The following ZEB1 variants were observed in gnomAD, a reference collection of about 807,000 sequenced individuals.
The protein encoded by ZEB1 is zinc finger E-box-binding homeobox 1.
In ZEB1, 21 loss-of-function variants were observed where a neutral mutation model predicts 84.9. The observed-to-expected ratio is 0.25, with a 90% CI of 0.18 to 0.36. The LOEUF (loss-of-function observed/expected upper bound fraction) is 0.36. Ranked by LOEUF, ZEB1 falls within the 10% of genes least tolerant of loss-of-function variation. The pLI is 1.00. For missense variants in ZEB1, 1,104 were observed against 1,330.2 expected (o/e 0.83, Z 2.65); for synonymous variants, 420 against 471.1 (o/e 0.89, Z 1.41).
chr10:31,362,813 C>T (rs2043553900), intron 1 of ZEB1: 1 of 841,724 alleles, frequency 1.2e-6, no homozygotes, highest in South Asian at 1.4e-5. Context: ...AGGCATGAGC[C>T]ACCACGCCTG....
At chr10:31,507,538 T>A (rs1217214166) in intron 4 of ZEB1, among the ~76,000 whole-genome samples, 1 of 152,026 alleles carries the variant, frequency 6.6e-6, no homozygotes, top group East Asian at 1.9e-4. Flanking sequence ...TTTATTCTTT[T>A]TTCTCTTACT....
intron 1 of ZEB1, among the ~76,000 whole-genome samples, chr10:31,439,873 T>A (rs989297936): frequency 6.6e-6 from 1 of 152,066 alleles, no homozygotes; most frequent in Non-Finnish European, 1.5e-5. Flanking sequence ...GGGCCTTGGA[T>A]TACAGTGAAT....
In ZEB1 at chr10:31,361,234, C is replaced by G. The variant is rs2043014096; in HGVS notation, c.58+41942C>G. The G allele has an allele frequency of 9.9e-6, 16 of 1,608,758 alleles. 1 individual carries two copies. The Admixed American group carries it at 2.7e-4, about 27-fold the overall frequency. On this transcript the variant is annotated intron_variant, in intron 1 of 8. Transcript: ENST00000424869. ...TTCAGGACGCAGTCTTGCTCTGTCACCAGGCTGGAGTGCAGTGGTGCGATC... is the reference window on the plus strand; with the variant it reads ...TTCAGGACGCAGTCTTGCTCTGTCAGCAGGCTGGAGTGCAGTGGTGCGATC...
intron 1 of ZEB1, chr10:31,363,750 G>T (rs371677375): frequency 1.6e-6 from 2 of 1,219,900 alleles, no homozygotes; most frequent in Non-Finnish European, 2.3e-6. Flanking sequence ...TCTTCCTTGA[G>T]GGGGGGCTCC....
chr10:31,484,436 G>T lies in ZEB1; in HGVS notation c.260-11340G>T, dbSNP rs1450700210. Among the ~76,000 whole-genome samples, 4 of 152,066 alleles carry T rather than the reference G, an allele frequency of 2.6e-5. No individual in the cohort carries two copies. In the East Asian group the frequency reaches 7.8e-4, roughly 30 times the overall value. ...ATATTAATCTAATCCTTGCAATACT[G>T]TAATGAAGCAGGTTACTTAGCCCTA... On this transcript the variant is annotated intron_variant, in intron 2 of 8. Coordinates refer to ENST00000424869, the MANE Select transcript of ZEB1 (RefSeq NM_001174096.2).
At chr10:31,390,635 T>G (rs567273749) in intron 1 of ZEB1, among the ~76,000 whole-genome samples, 1 of 152,294 alleles carries the variant, frequency 6.6e-6, no homozygotes, top group East Asian at 1.9e-4. Context: ...CTTGGCCATT[T>G]CAAGGTATTT....
At chr10:31,507,173 G>C (rs2069125449) in intron 4 of ZEB1, among the ~76,000 whole-genome samples, 2 of 151,796 alleles carry the variant, frequency 1.3e-5, no homozygotes, top group Admixed American at 1.3e-4. Context: ...TTCTCTCCTT[G>C]CCTATAAAGT....
chr10:31,511,856 G>A (rs578231172), intron 5 of ZEB1, among the ~76,000 whole-genome samples: 3 of 152,262 alleles, frequency 2.0e-5, no homozygotes, highest in African/African-American at 7.2e-5. Flanking sequence ...AAGAATGACT[G>A]AGCAGAGTCA....
rs550964250 is a variant in ZEB1 at position 31,465,157 on chromosome 10, A to G, written c.259+3920A>G. Among the ~76,000 whole-genome samples the G allele has an allele frequency of 1.4e-3, 210 of 152,272 alleles. 1 individual carries two copies. Among genetic ancestry groups the G allele is most frequent in the African/African-American group, 4.8e-3 (201 of 41,576 alleles). On this transcript the variant is annotated intron_variant, in intron 2 of 8. Transcript: ENST00000424869. ...AATAAATTCAGAATGCTGTGATACT[A>G]TAATGATGTTGTGTAAATGTCTTGT...
Position 31,527,741 on chromosome 10 carries a change from G to GT in ZEB1, c.*483dup, listed in dbSNP as rs888590828. 44 of 161,382 alleles carry GT rather than the reference G, an allele frequency of 2.7e-4. No homozygotes were observed. Among genetic ancestry groups the GT allele is most frequent in the African/African-American group, 1.1e-3 (44 of 41,446 alleles). 10.0% of individuals were successfully genotyped at this position (161,382 alleles called of 1,614,324 possible). The stretch of plus-strand genomic sequence containing the variant: ...TAAATCCGCTTCAGTATTTTATTAT[G>GT]TTTTTTAAAATGTGAGAACTTCTGC... On this transcript the variant is annotated 3_prime_UTR_variant, in exon 9 of 9. Coordinates refer to ENST00000424869, the MANE Select transcript of ZEB1 (RefSeq NM_001174096.2).
At position 31,527,112 on chromosome 10, in the gene ZEB1, G is replaced by T. The variant is rs1259380440; in HGVS notation, c.3226G>T (p.Glu1076Ter). The part of the protein sequence containing the change: ...EEEEEEEVEE[E>*]EVEEAENEGE... ...GGAGGAGGAGGAAGAAGTGGAAGAA[G>T]AAGAGGTAGAAGAGGCAGAGAATGA... Residue 1076 changes from glutamate to a stop codon, truncating the protein, a stop_gained, in exon 9 of 9, where the codon GAA (glutamate) becomes TAA (stop). Transcript: ENST00000424869. LOFTEE classifies it low-confidence loss of function (END_TRUNC). The T allele has an allele frequency of 6.2e-7, 1 of 1,603,166 alleles. No individual in the cohort carries two copies. Among genetic ancestry groups the T allele is most frequent in the East Asian group, 2.3e-5 (1 of 43,850 alleles).
intron 3 of ZEB1, among the ~76,000 whole-genome samples, chr10:31,498,857 A>G (rs1430139943): frequency 6.6e-6 from 1 of 151,954 alleles, no homozygotes; most frequent in African/African-American, 2.4e-5. Flanking sequence ...TTTTATGCAA[A>G]CGTATATTAA....
intron 1 of ZEB1, among the ~76,000 whole-genome samples, chr10:31,406,873 G>A (rs1322251355): frequency 6.6e-6 from 1 of 151,994 alleles, no homozygotes; most frequent in South Asian, 2.1e-4. Flanking sequence ...TTTTGTATGA[G>A]GTGTAAGGAA....
At chr10:31,472,569 G>C (rs921460090) in intron 2 of ZEB1, among the ~76,000 whole-genome samples, 3 of 138,512 alleles carry the variant, frequency 2.2e-5, no homozygotes, top group Non-Finnish European at 3.0e-5. Flanking sequence ...ATAATCAATA[G>C]TTTACCAACC....
Position 31,521,820 on chromosome 10 carries a change from C to G in ZEB1, c.2488C>G (p.Leu830Val), listed in dbSNP as rs749076556. 4 of 1,613,716 alleles carry G rather than the reference C, an allele frequency of 2.5e-6. No homozygotes were observed. The highest frequency in any genetic ancestry group is 3.4e-6 in the Non-Finnish European group (4 of 1,179,778). The change falls in exon 7 of 9, where the codon CTA (leucine) becomes GTA (valine). Residue 830 changes from leucine (L) to valine (V), a missense_variant. Physicochemically the swap from Leu to Val is conservative, Grantham distance 32. This residue lies in a region of ZEB1 where 531 missense variants were observed against 575.2 expected (regional missense o/e 0.92). Coordinates refer to ENST00000424869, the MANE Select transcript of ZEB1 (RefSeq NM_001174096.2). The part of the protein sequence containing the change: ...DQNSVPCLRA[L>V]AANKQTILIP... The stretch of plus-strand genomic sequence containing the variant: ...GAACAGTGTTCCATGCTTAAGAGCG[C>G]TAGCTGCCAATAAGCAAACGATTCT...
chr10:31,346,346 A>G (rs1328806896), intron 1 of ZEB1, among the ~76,000 whole-genome samples: 1 of 152,184 alleles, frequency 6.6e-6, no homozygotes, highest in African/African-American at 2.4e-5. Flanking sequence ...TACAGAAACT[A>G]GTAAAAGAAT....
rs764794801 is a variant in ZEB1 at position 31,520,911 on chromosome 10, G to A, written c.1579G>A (p.Val527Met). The change falls in exon 7 of 9, where the codon GTG (valine) becomes ATG (methionine). Residue 527 changes from valine to methionine, a missense_variant. Physicochemically the swap from Val to Met is conservative, Grantham distance 21. Around this residue, in one of 7 missense-constraint regions of ZEB1, gnomAD observed 531 missense variants for 575.2 expected, o/e 0.92. Transcript: ENST00000424869. This position sits in a 1 kb window ranked among gnomAD's most constrained non-coding sequence, Gnocchi z 5.1. ...GAAGGACAAAAGCTTTGAAGGGGGG[G>A]TGAATGATAGCACTTGTCTTCTGTG... ...SEKDKSFEGGVNDSTCLLCDD... is the reference protein window; with the variant it reads ...SEKDKSFEGGMNDSTCLLCDD... 32 of 1,613,992 alleles carry A rather than the reference G, an allele frequency of 2.0e-5. No homozygotes were observed. The East Asian group carries it at 6.5e-4, about 33-fold the overall frequency.
intron 2 of ZEB1, among the ~76,000 whole-genome samples, chr10:31,477,609 T>C (rs12262937): frequency 0.059 from 8,909 of 152,056 alleles, 730 homozygotes; most frequent in African/African-American, 0.18. Flanking sequence ...CTTCAGATTA[T>C]ACTACAAGGC....
At chr10:31,481,540 G>T (rs554769236) in intron 2 of ZEB1, among the ~76,000 whole-genome samples, 2 of 152,008 alleles carry the variant, frequency 1.3e-5, no homozygotes, top group Admixed American at 1.3e-4. Context: ...GCATGCACCT[G>T]CAATCCCTGC....
Sources: gnomAD v4.1 joint callset for allele counts (sites outside exome capture counted in the v4.1 genomes callset) on GRCh38, gnomAD v4.1.1 for gene constraint, gnomAD v4.1.1 regional missense constraint, Gnocchi (gnomAD v3.1) non-coding constraint, MANE v1.5 for transcripts, NCBI Gene and HGNC (gene_info 2026-07-23, HGNC 2026-07-21) for gene names.